The following RBFOX1 variants were observed in gnomAD, a reference collection of about 807,000 sequenced individuals.
The protein encoded by RBFOX1 is RNA binding protein fox-1 homolog 1.
In RBFOX1, 8 loss-of-function variants were observed where a neutral mutation model predicts 57.7. The ratio of observed to expected loss-of-function variants is 0.14; its 90% CI spans 0.08 to 0.25. The LOEUF is 0.25. Ranked by LOEUF, RBFOX1 falls within the 10% of genes least tolerant of loss-of-function variation. The pLI, the probability that RBFOX1 is intolerant of heterozygous loss-of-function variation, is 1.00. For synonymous variants in RBFOX1, 326 were observed against 222.4 expected (o/e 1.47, Z -4.15); for missense variants, 611 against 548.5 (o/e 1.11, Z -1.14).
intron 4 of RBFOX1, among the ~76,000 whole-genome samples, chr16:5,976,113 C>G (rs945563378): frequency 1.3e-5 from 2 of 151,740 alleles, no homozygotes; most frequent in South Asian, 2.1e-4. Flanking sequence ...AGACTGCACT[C>G]TAGACTGGGC....
At chr16:5,554,439 A>G (rs901171304) in intron 2 of RBFOX1, among the ~76,000 whole-genome samples, 4 of 152,224 alleles carry the variant, frequency 2.6e-5, no homozygotes, top group Non-Finnish European at 4.4e-5. Flanking sequence ...AGGTTCTTCT[A>G]AAACATTAAA....
At chr16:7,053,101 A>T (rs9936243) in intron 4 of RBFOX1, among the ~76,000 whole-genome samples, 80,619 of 152,070 alleles carry the variant, frequency 0.53, 23,434 homozygotes, top group South Asian at 0.76. Flanking sequence ...GCATTTACCT[A>T]ATGATAGTCT....
At chr16:6,312,397 C>T (rs34288376) in intron 1 of RBFOX1, among the ~76,000 whole-genome samples, 19,072 of 152,112 alleles carry the variant, frequency 0.13, 1,468 homozygotes, top group South Asian at 0.23. Flanking sequence ...TTTCTGCACA[C>T]GTGGCAGAGA....
At chr16:6,486,575 A>T (rs1307608717) in intron 2 of RBFOX1, among the ~76,000 whole-genome samples, 1 of 152,132 alleles carries the variant, frequency 6.6e-6, no homozygotes, top group Non-Finnish European at 1.5e-5. Context: ...AGTCCTCTCT[A>T]TGAGACTTCA....
At chr16:6,629,791 T>G (rs972955554) in intron 2 of RBFOX1, among the ~76,000 whole-genome samples, 2 of 152,222 alleles carry the variant, frequency 1.3e-5, no homozygotes, top group Non-Finnish European at 2.9e-5. Context: ...GCTTCGCTAT[T>G]AGCCACAGCC....
chr16:6,379,885 C>T (rs1241735908), intron 2 of RBFOX1, among the ~76,000 whole-genome samples: 2 of 152,080 alleles, frequency 1.3e-5, no homozygotes, highest in East Asian at 3.9e-4. Context: ...GGATGGGAGG[C>T]ATTTGAGCAT....
At chr16:6,608,307 G>GTT (rs1429979008) in intron 2 of RBFOX1, among the ~76,000 whole-genome samples, 2 of 152,138 alleles carry the variant, frequency 1.3e-5, no homozygotes, top group Non-Finnish European at 2.9e-5. Context: ...GTATCCTGTG[G>GTT]GGAAAAGCCT....
intron 4 of RBFOX1, among the ~76,000 whole-genome samples, chr16:5,888,360 A>G (rs2057952460): frequency 6.6e-6 from 1 of 152,046 alleles, no homozygotes; most frequent in Non-Finnish European, 1.5e-5. Flanking sequence ...ACTTATCACA[A>G]TTTATGATCA....
At chr16:6,989,697 GA>G (rs2091076389) in intron 3 of RBFOX1, among the ~76,000 whole-genome samples, 2 of 152,034 alleles carry the variant, frequency 1.3e-5, no homozygotes, top group South Asian at 4.2e-4. Context: ...TGGAAATGAA[GA>G]AATAGAAGTC....
chr16:6,776,812 T>C (rs2154219472), intron 3 of RBFOX1, among the ~76,000 whole-genome samples: 1 of 152,328 alleles, frequency 6.6e-6, no homozygotes, highest in East Asian at 1.9e-4. Context: ...AGTTACCACC[T>C]GGGAACAGAA....
intron 4 of RBFOX1, among the ~76,000 whole-genome samples, chr16:7,150,244 G>A (rs1041934719): frequency 6.6e-6 from 1 of 152,194 alleles, no homozygotes; most frequent in East Asian, 1.9e-4. Context: ...AAATGTAAGA[G>A]GTAAAAGAGA....
chr16:5,825,738 T>TTATTATTCCTTAATATGAATAGGGAA (rs1567591785), intron 3 of RBFOX1, among the ~76,000 whole-genome samples: 11 of 146,750 alleles, frequency 7.5e-5, no homozygotes, highest in Non-Finnish European at 3.0e-5. Flanking sequence ...CCTCCTTCCC[T>TTATTATTCCTTAATATGAATAGGGAA]TATTATTCCT....
chr16:6,371,263 A>G (rs978887370), intron 2 of RBFOX1, among the ~76,000 whole-genome samples: 1 of 152,174 alleles, frequency 6.6e-6, no homozygotes, highest in Non-Finnish European at 1.5e-5. Context: ...TTCATTGATG[A>G]TTCTTGTCTG....
chr16:7,706,236 CATG>C (rs2148449883), intron 14 of RBFOX1, among the ~76,000 whole-genome samples: 1 of 152,324 alleles, frequency 6.6e-6, no homozygotes, highest in African/African-American at 2.4e-5. Flanking sequence ...TTTGAGCTGA[CATG>C]ATCTCTTTTC....
chr16:5,399,705 C>T (rs1230958827), intron 1 of RBFOX1, among the ~76,000 whole-genome samples: 2 of 151,766 alleles, frequency 1.3e-5, no homozygotes, highest in Non-Finnish European at 2.9e-5. Flanking sequence ...CACTGCTCTC[C>T]AGCCTGGGTG....
At chr16:7,185,465 T>C (rs948999998) in intron 4 of RBFOX1, among the ~76,000 whole-genome samples, 2 of 152,190 alleles carry the variant, frequency 1.3e-5, no homozygotes, top group Non-Finnish European at 2.9e-5. Flanking sequence ...AGATTAGAGC[T>C]ATCTGGGTCT....
chr16:7,438,882 T>C (rs1281784772), intron 4 of RBFOX1, among the ~76,000 whole-genome samples: 1 of 152,176 alleles, frequency 6.6e-6, no homozygotes, highest in Non-Finnish European at 1.5e-5. Context: ...CTGAGTGATC[T>C]ATACTGCATG....
chr16:7,700,006 G>GT (rs1453845560), intron 14 of RBFOX1, among the ~76,000 whole-genome samples: 2 of 152,108 alleles, frequency 1.3e-5, no homozygotes, highest in Non-Finnish European at 2.9e-5. Context: ...CTAGGTGGGT[G>GT]TGTTGGTGCT....
intron 2 of RBFOX1, among the ~76,000 whole-genome samples, chr16:5,588,765 GT>G (rs1415036079): frequency 2.6e-5 from 4 of 152,190 alleles, no homozygotes; most frequent in African/African-American, 9.7e-5. Flanking sequence ...GGGAAATGGA[GT>G]CAAGCCGGTC....
Sources: allele counts gnomAD v4.1 joint callset (sites outside exome capture counted in the v4.1 genomes callset), GRCh38; gene constraint gnomAD v4.1.1; transcripts MANE v1.5; gene names NCBI Gene and HGNC (gene_info 2026-07-23, HGNC 2026-07-21).